The following MAGI1 variants were observed in gnomAD, a reference collection of about 807,000 sequenced individuals.
The protein encoded by MAGI1 is membrane associated guanylate kinase, WW and PDZ domain containing 1.
Under a neutral mutation model 139.9 loss-of-function variants are expected in MAGI1, and 58 were observed. The observed-to-expected ratio is 0.41, with a 90% CI of 0.34 to 0.52. The LOEUF (loss-of-function observed/expected upper bound fraction) is 0.52, where lower values mean the gene tolerates loss of function less well. MAGI1 is among the 20% of genes least tolerant of loss of function. The pLI is 0.12. For synonymous variants in MAGI1, 812 were observed against 737.9 expected (o/e 1.10, Z -1.63); for missense variants, 1,874 against 1,901.6 (o/e 0.99, Z 0.27).
chr3:65,836,735 T>C (rs2042827554), intron 1 of MAGI1, among the ~76,000 whole-genome samples: 2 of 151,946 alleles, frequency 1.3e-5, no homozygotes, highest in Non-Finnish European at 2.9e-5. Flanking sequence ...AGAGAACTGC[T>C]TGAACCCAGG....
At chr3:65,666,933 T>C (rs2086571212) in intron 1 of MAGI1, among the ~76,000 whole-genome samples, 1 of 152,140 alleles carries the variant, frequency 6.6e-6, no homozygotes, top group Non-Finnish European at 1.5e-5. Flanking sequence ...CTTTCCTCCA[T>C]GAAAACATCC....
At chr3:65,948,211 T>C (rs1392197383) in intron 1 of MAGI1, among the ~76,000 whole-genome samples, 1 of 151,924 alleles carries the variant, frequency 6.6e-6, no homozygotes, top group East Asian at 1.9e-4. Flanking sequence ...CCCAAAGGGC[T>C]GGGATTACAG....
chr3:65,722,474 A>C lies in MAGI1; in HGVS notation c.314-100386T>G, dbSNP rs371288221. On this transcript the variant is annotated intron_variant, in intron 1 of 22. Transcript: ENST00000402939. ...CATGGCAAAACCTTGTCTCTGCCAA[A>C]AAAAAAAAATTAGCTAGACACAGTG... Among the ~76,000 whole-genome samples the C allele has an allele frequency of 8.6e-4, 131 of 151,792 alleles. 1 individual carries two copies. The highest frequency in any genetic ancestry group is 3.0e-3 in the African/African-American group (126 of 41,376).
At chr3:65,801,999 T>C (rs1459049586) in intron 1 of MAGI1, among the ~76,000 whole-genome samples, 2 of 152,014 alleles carry the variant, frequency 1.3e-5, no homozygotes, top group African/African-American at 2.4e-5. Context: ...GGGATCTAGG[T>C]TGGACACTCC....
chr3:65,596,583 T>C (rs1474786939), intron 2 of MAGI1, among the ~76,000 whole-genome samples: 1 of 152,176 alleles, frequency 6.6e-6, no homozygotes, highest in Non-Finnish European at 1.5e-5. Context: ...TCCACTCCCT[T>C]TGTGTGTGAG....
At chr3:66,019,381 G>A (rs2067844074) in intron 1 of MAGI1, among the ~76,000 whole-genome samples, 1 of 152,114 alleles carries the variant, frequency 6.6e-6, no homozygotes, top group African/African-American at 2.4e-5. Context: ...CTTCCCAGAT[G>A]TAACAATCAA....
At chr3:65,635,733 C>T (rs916989563) in intron 1 of MAGI1, among the ~76,000 whole-genome samples, 3 of 152,344 alleles carry the variant, frequency 2.0e-5, no homozygotes, top group South Asian at 2.1e-4. Context: ...GTAATTAACA[C>T]AAATGTTCTC....
At chr3:65,672,733 T>C (rs1183358440) in intron 1 of MAGI1, among the ~76,000 whole-genome samples, 5 of 152,210 alleles carry the variant, frequency 3.3e-5, no homozygotes, top group Non-Finnish European at 7.3e-5. Context: ...ATCCATTTAC[T>C]AGAAACTGAT....
chr3:65,602,045 C>T lies in MAGI1; in HGVS notation c.430+19927G>A, dbSNP rs2082508363. On this transcript the variant is annotated intron_variant, in intron 2 of 22. Transcript: ENST00000402939. ...AACCACAATGACATCCCATTCATAC[C>T]CACTAAAATGGCTATAATCAAAAGG... 1.3e-5 allele frequency among the ~76,000 whole-genome samples: 2 copies of T among 152,006 alleles called. 1 individual carries two copies. Among genetic ancestry groups the T allele is most frequent in the Admixed American group, 1.3e-4 (2 of 15,262 alleles).
chr3:65,951,924 A>C (rs1383681476), intron 1 of MAGI1, among the ~76,000 whole-genome samples: 2 of 152,252 alleles, frequency 1.3e-5, no homozygotes, highest in Non-Finnish European at 1.5e-5. Context: ...CTGAAGAACA[A>C]TAAATAAATA....
chr3:65,887,704 T>A (rs2060588396), intron 1 of MAGI1, among the ~76,000 whole-genome samples: 1 of 152,140 alleles, frequency 6.6e-6, no homozygotes, highest in Non-Finnish European at 1.5e-5. Context: ...CACTATTATC[T>A]AAGGCACAGT....
chr3:65,908,959 T>C (rs1381057903), intron 1 of MAGI1, among the ~76,000 whole-genome samples: 2 of 152,208 alleles, frequency 1.3e-5, no homozygotes, highest in Non-Finnish European at 2.9e-5. Context: ...CATAAATTTA[T>C]GGTTCTAAAA....
intron 1 of MAGI1, among the ~76,000 whole-genome samples, chr3:65,742,094 T>A (rs2035324218): frequency 6.6e-6 from 1 of 152,142 alleles, no homozygotes; most frequent in Non-Finnish European, 1.5e-5. Flanking sequence ...AATATATTTA[T>A]ATCAAAATGC....
At chr3:65,386,942 T>G (rs551810896) in intron 14 of MAGI1, among the ~76,000 whole-genome samples, 3 of 152,312 alleles carry the variant, frequency 2.0e-5, no homozygotes, top group African/African-American at 7.2e-5. Flanking sequence ...ATTTCCAGAC[T>G]TGACAAGGGC....
intron 1 of MAGI1, among the ~76,000 whole-genome samples, chr3:65,888,868 C>A (rs1480290314): frequency 2.0e-5 from 3 of 151,940 alleles, no homozygotes; most frequent in Non-Finnish European, 2.9e-5. Context: ...TCTACAGGTA[C>A]ACCAGAAATT....
At chr3:65,883,487 T>A (rs1431544868) in intron 1 of MAGI1, among the ~76,000 whole-genome samples, 1 of 152,212 alleles carries the variant, frequency 6.6e-6, no homozygotes, top group Non-Finnish European at 1.5e-5. Context: ...ACAACAATTA[T>A]AACAAAGACT....
chr3:66,008,582 G>C (rs1486414867), intron 1 of MAGI1, among the ~76,000 whole-genome samples: 1 of 152,184 alleles, frequency 6.6e-6, no homozygotes, highest in African/African-American at 2.4e-5. Context: ...CTGCAAAAGG[G>C]AAACAAGTGG....
At chr3:65,377,784 T>G (rs1217128465) in intron 17 of MAGI1, among the ~76,000 whole-genome samples, 5 of 152,210 alleles carry the variant, frequency 3.3e-5, no homozygotes, top group African/African-American at 1.2e-4. Flanking sequence ...CAAAAAGCAC[T>G]GTTAGTAATA....
chr3:65,930,768 T>G (rs958391848), intron 1 of MAGI1, among the ~76,000 whole-genome samples: 1 of 152,090 alleles, frequency 6.6e-6, no homozygotes, highest in Non-Finnish European at 1.5e-5. Context: ...ATTATATGCT[T>G]ATTATAATGC....
Sources: allele counts gnomAD v4.1 joint callset (sites outside exome capture counted in the v4.1 genomes callset), GRCh38; gene constraint gnomAD v4.1.1; transcripts MANE v1.5; gene names NCBI Gene and HGNC (gene_info 2026-07-23, HGNC 2026-07-21).